The following USP43 variants were observed in gnomAD, a reference collection of about 807,000 sequenced individuals.
The protein encoded by USP43 is ubiquitin specific peptidase 43, also known as ubiquitin carboxyl-terminal hydrolase 43.
A neutral mutation model predicts 90.7 loss-of-function variants in USP43; 33 were observed. The ratio of observed to expected loss-of-function variants is 0.36; its 90% confidence interval spans 0.28 to 0.49. The LOEUF (loss-of-function observed/expected upper bound fraction) is 0.49. Among genes scored for constraint, USP43 ranks in the 20% least tolerant of loss-of-function variants. USP43 has a pLI of 0.98. For synonymous variants in USP43, 598 were observed against 615.8 expected (o/e 0.97, Z 0.43); for missense variants, 1,274 against 1,476.4 (o/e 0.86, Z 2.25).
At chr17:9,646,166 G>T in intron 1 of USP43, 30 bp downstream of exon 1, 2 of 1,397,532 alleles carry the variant, frequency 1.4e-6, no homozygotes, top group Non-Finnish European at 1.8e-6. Context: ...CGACCGCCCT[G>T]TCCCCCTGGT....
At chr17:9,660,185 G>C (rs111643093) in intron 2 of USP43, among the ~76,000 whole-genome samples, 16,936 of 152,122 alleles carry the variant, frequency 0.11, 1,089 homozygotes, top group African/African-American at 0.18. Context: ...GAGTCTTGCT[G>C]TGTTGCCCAG....
intron 6 of USP43, among the ~76,000 whole-genome samples, chr17:9,680,699 T>C (rs978960821): frequency 6.6e-6 from 1 of 152,080 alleles, no homozygotes; most frequent in Admixed American, 6.6e-5. Flanking sequence ...GTGATGCCGA[T>C]GCTGCTGGTC....
intron 6 of USP43, among the ~76,000 whole-genome samples, chr17:9,681,356 AATAAAAT>A (rs1914222813): frequency 8.5e-6 from 1 of 117,634 alleles, no homozygotes; most frequent in Non-Finnish European, 1.6e-5. Context: ...AAATAAAATA[AATAAAAT>A]AAATAAATAT....
chr17:9,654,375 G>A (rs1372243432), intron 1 of USP43, among the ~76,000 whole-genome samples: 2 of 152,106 alleles, frequency 1.3e-5, no homozygotes, highest in African/African-American at 4.8e-5. Flanking sequence ...CCAAACTAAT[G>A]TGATTGACGT....
chr17:9,689,913 G>A (rs377587543), intron 8 of USP43, among the ~76,000 whole-genome samples: 1 of 152,164 alleles, frequency 6.6e-6, no homozygotes, highest in African/African-American at 2.4e-5. Context: ...TCTCCTTAGG[G>A]AGAATACCCT....
At position 9,727,163 on chromosome 17, in the gene USP43, G is replaced by A. The variant is rs1465398674; in HGVS notation, c.2336-791G>A. Reference sequence around the variant, plus strand: ...AATTTTTGTATTTTAGTAGAGATGGGGTTTCACCATGTTGGTCAGGCTGGT... The same window carrying A: ...AATTTTTGTATTTTAGTAGAGATGGAGTTTCACCATGTTGGTCAGGCTGGT... On this transcript the variant is annotated intron_variant, in intron 14 of 14. Coordinates refer to ENST00000285199, the MANE Select transcript of USP43 (RefSeq NM_153210.5). Among the ~76,000 whole-genome samples, 24 of 151,960 alleles carry A rather than the reference G, an allele frequency of 1.6e-4. 1 individual carries two copies. The highest frequency in any genetic ancestry group is 1.6e-3 in the Admixed American group (24 of 15,252).
At chr17:9,680,109 A>T in intron 5 of USP43, 122 bp from the exon 6 acceptor site, 4 of 1,053,646 alleles carry the variant, frequency 3.8e-6, no homozygotes, top group Non-Finnish European at 5.5e-6. Context: ...ATTACTAAAA[A>T]TAAGTAGCCA....
intron 14 of USP43, among the ~76,000 whole-genome samples, chr17:9,714,314 A>G (rs1916366450): frequency 6.6e-6 from 1 of 152,152 alleles, no homozygotes; most frequent in Non-Finnish European, 1.5e-5. Context: ...GGGAGTGGAG[A>G]GAAATATTTG....
intron 2 of USP43, among the ~76,000 whole-genome samples, chr17:9,658,566 C>T (rs1912423378): frequency 6.6e-6 from 1 of 152,160 alleles, no homozygotes; most frequent in South Asian, 2.1e-4. Flanking sequence ...CAAACAATCA[C>T]CACAGTAAAA....
rs143159881 is a variant in USP43 at position 9,678,728 on chromosome 17, C to T, written c.970-1503C>T. ...TCCTATTTTGTACCGCCCCTCCCCC[C>T]CCATTTTTAGATTGAACAGTCTTTT... is the stretch of plus-strand genomic sequence containing the variant. On this transcript the variant is annotated intron_variant, in intron 5 of 14. Coordinates refer to ENST00000285199, the MANE Select transcript of USP43 (RefSeq NM_153210.5). 5.1e-3 allele frequency among the ~76,000 whole-genome samples: 782 copies of T among 151,932 alleles called. 5 individuals carry two copies. Among genetic ancestry groups the T allele is most frequent in the African/African-American group, 0.018 (735 of 41,316 alleles).
intron 9 of USP43, among the ~76,000 whole-genome samples, chr17:9,696,280 C>T (rs1203012919): frequency 6.6e-6 from 1 of 152,066 alleles, no homozygotes; most frequent in Non-Finnish European, 1.5e-5. Context: ...ACTACAGGTG[C>T]ACACTGCCAC....
chr17:9,648,895 CTTTT>C (rs1567643394), intron 1 of USP43, among the ~76,000 whole-genome samples: 3 of 151,010 alleles, frequency 2.0e-5, no homozygotes, highest in Admixed American at 1.3e-4. Context: ...CTCTTTCTTT[CTTTT>C]TCTTTCTCTC....
chr17:9,728,780 C>CCTGGGCAG lies in USP43; in HGVS notation c.3164_3171dup (p.Arg1058TrpfsTer58). The CCTGGGCAG allele has an allele frequency of 6.2e-7, 1 of 1,608,660 alleles. No individual in the cohort carries two copies. Among genetic ancestry groups the CCTGGGCAG allele is most frequent in the Non-Finnish European group, 8.5e-7 (1 of 1,177,324 alleles). ...GGATCCCAGAGGGCCTGGCCAGGGG[C>CCTGGGCAG]CTGGGCAGCCGGCTCGAGAGGGATG... On this transcript the variant is annotated frameshift_variant, in exon 15 of 15. Transcript: ENST00000285199. LOFTEE classifies it low-confidence loss of function (END_TRUNC). This position sits in a 1 kb window ranked among gnomAD's most constrained non-coding sequence, Gnocchi z 6.2.
chr17:9,724,344 A>C (rs1389411506), intron 14 of USP43, among the ~76,000 whole-genome samples: 6 of 152,136 alleles, frequency 3.9e-5, no homozygotes, highest in Non-Finnish European at 7.4e-5. Flanking sequence ...CTCCACGTGG[A>C]AATGGTCATC....
intron 14 of USP43, among the ~76,000 whole-genome samples, chr17:9,722,941 G>A (rs1400088922): frequency 1.3e-5 from 2 of 152,192 alleles, no homozygotes; most frequent in Non-Finnish European, 2.9e-5. Flanking sequence ...ATGGATTGCA[G>A]TGTCCACTGT....
chr17:9,677,017 T>C, intron 5 of USP43, 136 bp downstream of exon 5: 1 of 1,135,152 alleles, frequency 8.8e-7, no homozygotes, highest in South Asian at 1.8e-5. Flanking sequence ...TGATTAGTAA[T>C]GCCTGCTGTC....
Position 9,645,999 on chromosome 17 carries a change from G to T in USP43, c.367G>T (p.Asp123Tyr), listed in dbSNP as rs1161597445. 4 of 1,485,166 alleles carry T rather than the reference G, an allele frequency of 2.7e-6. No individual in the cohort carries two copies. Among genetic ancestry groups the T allele is most frequent in the Non-Finnish European group, 3.6e-6 (4 of 1,119,360 alleles). The allele number at this position is 1,485,166 out of a possible 1,614,324, so 92.0% of individuals were successfully genotyped here. ...GGTGGTGCAGTGTCTCAGCAACACC[G>T]ACCTGCTGGCCGAGTTCCTGGCGCT... ...NAVVQCLSNT[D>Y]LLAEFLALGR... Residue 123 changes from aspartate to tyrosine, a missense_variant, in exon 1 of 15, where the codon GAC becomes TAC. Asp to Tyr is a radical substitution (Grantham distance 160). This residue lies in a region of USP43 where 259 missense variants were observed against 373.7 expected (regional missense o/e 0.69). Coordinates refer to ENST00000285199, the MANE Select transcript of USP43 (RefSeq NM_153210.5). The surrounding 1 kb of genome is among the most constrained non-coding windows in gnomAD (Gnocchi z 6.8).
chr17:9,679,516 C>CT (rs544977324), intron 5 of USP43, among the ~76,000 whole-genome samples: 2,763 of 82,304 alleles, frequency 0.034, 230 homozygotes, highest in East Asian at 0.075. Context: ...TGAAATGCAT[C>CT]TTTTTTTTTT....
chr17:9,686,670 A>G lies in USP43; in HGVS notation c.1242-128A>G. 1 of 697,436 alleles carries G rather than the reference A, an allele frequency of 1.4e-6. No homozygotes were observed. Among genetic ancestry groups the G allele is most frequent in the South Asian group, 2.0e-5 (1 of 49,372 alleles). The allele number at this position is 697,436 out of a possible 1,614,324, so 43.2% of individuals were successfully genotyped here. On this transcript the variant is annotated intron_variant, in intron 7 of 14. Transcript: ENST00000285199. The surrounding 1 kb of genome is among the most constrained non-coding windows in gnomAD (Gnocchi z 5.5). The stretch of plus-strand genomic sequence containing the variant: ...GATTCTTTGGTTTTTTTTGCTGTTG[A>G]GTTTTTGTGCTTAGCTCTTGTCACT...
Sources: gnomAD v4.1 joint callset for allele counts (sites outside exome capture counted in the v4.1 genomes callset) on GRCh38, gnomAD v4.1.1 for gene constraint, gnomAD v4.1.1 regional missense constraint, Gnocchi (gnomAD v3.1) non-coding constraint, MANE v1.5 for transcripts, NCBI Gene and HGNC (gene_info 2026-07-23, HGNC 2026-07-21) for gene names.